STIL: variants seen among roughly 807,000 people sequenced by gnomAD.
The protein encoded by STIL is SCL-interrupting locus protein.
In STIL, 55 loss-of-function variants were observed where a neutral mutation model predicts 110.1. The observed-to-expected ratio is 0.50, with a 90% CI of 0.40 to 0.63. The LOEUF (loss-of-function observed/expected upper bound fraction) is 0.63. Ranked by LOEUF, STIL falls within the 20% of genes least tolerant of loss-of-function variation. The probability of loss-of-function intolerance (pLI) is 0.00; values close to 1 mark genes in which losing one functional copy is unlikely to be tolerated. For missense variants in STIL, 1,358 were observed against 1,530.0 expected, an observed-to-expected ratio of 0.89 and a Z score of 1.87; for synonymous variants, 481 against 530.0, an observed-to-expected ratio of 0.91 and a Z score of 1.27.
chr1:47,287,727 T>A, intron 9 of STIL, 67 bp from the exon 10 acceptor site: 1 of 1,274,880 alleles, frequency 7.8e-7, no homozygotes, highest in Non-Finnish European at 1.1e-6. Context: ...TCTATTTAGA[T>A]GAAAAGTAGC....
rs1645126643 is a variant in STIL at position 47,280,504 on chromosome 1, A to C, written c.1954T>G (p.Tyr652Asp). 6.2e-7 allele frequency: 1 copy of C among 1,614,262 alleles called. No individual in the cohort carries two copies. Among genetic ancestry groups the C allele is most frequent in the Non-Finnish European group, 8.5e-7 (1 of 1,180,046 alleles). ...CTTGAAGAACAGAATGCATTACAGT[A>C]CAGGGCTGGACATCCACTTGGGTGA... ...LFHPSGCPALYCNAFCSSSSP... is the reference protein window; with the variant it reads ...LFHPSGCPALDCNAFCSSSSP... The change falls in exon 12 of 17, where the codon TAC (tyrosine) becomes GAC (aspartate). Residue 652 changes from tyrosine to aspartate, a missense_variant. Tyr to Asp is a radical substitution (Grantham distance 160, BLOSUM62 -3). Coordinates refer to ENST00000371877, the MANE Select transcript of STIL (RefSeq NM_001048166.1).
intron 16 of STIL, among the ~76,000 whole-genome samples, chr1:47,256,183 C>A (rs901502805): frequency 6.6e-6 from 1 of 152,110 alleles, no homozygotes; most frequent in Admixed American, 6.6e-5. Context: ...ATTATAAATA[C>A]TGACAGTAAA....
chr1:47,293,423 C>T lies in STIL; in HGVS notation c.872+35G>A, dbSNP rs770281466. ...ATAAACTATGAATGGGGGAAAGGAT[C>T]GAAATAAAGTACTACAGAATAAAAT... On this transcript the variant is annotated intron_variant, in intron 8 of 16. Transcript: ENST00000371877. The T allele has an allele frequency of 1.2e-5, 19 of 1,543,240 alleles. No individual in the cohort carries two copies. In the East Asian group the frequency reaches 2.9e-4, roughly 24 times the overall value.
intron 7 of STIL, 55 bp from the exon 8 acceptor site, chr1:47,293,599 T>C: frequency 1.4e-6 from 2 of 1,380,402 alleles, no homozygotes; most frequent in Non-Finnish European, 2.1e-6. Flanking sequence ...TATAGCATAA[T>C]TTACATTCTT....
intron 2 of STIL, among the ~76,000 whole-genome samples, chr1:47,308,324 A>T (rs1646024213): frequency 6.6e-6 from 1 of 152,050 alleles, no homozygotes; most frequent in South Asian, 2.1e-4. Flanking sequence ...TTCTCAAGGC[A>T]GCGGACGCTT....
chr1:47,289,330 A>C (rs1645407263), intron 9 of STIL, 105 bp downstream of exon 9: 1 of 767,018 alleles, frequency 1.3e-6, no homozygotes, highest in African/African-American at 1.8e-5. Flanking sequence ...AACAAAGCAT[A>C]ATAGTTTGGA....
At chr1:47,285,841 G>A (rs1383315663) in intron 10 of STIL, among the ~76,000 whole-genome samples, 1 of 151,944 alleles carries the variant, frequency 6.6e-6, no homozygotes, top group Non-Finnish European at 1.5e-5. Flanking sequence ...TTCTTCAAGT[G>A]TGTTTTAGAA....
At chr1:47,265,258 A>AAAAAAAC (rs1557714172) in intron 14 of STIL, among the ~76,000 whole-genome samples, 2 of 150,756 alleles carry the variant, frequency 1.3e-5, no homozygotes, top group Admixed American at 6.6e-5. Flanking sequence ...AAAAAAAAAA[A>AAAAAAAC]AACACAAGAT....
intron 16 of STIL, 148 bp from the exon 17 acceptor site, chr1:47,252,070 A>C: frequency 1.2e-6 from 1 of 842,176 alleles, no homozygotes; most frequent in Non-Finnish European, 1.8e-6. Context: ...CTAAGTCTTG[A>C]TGATCCAGAT....
Position 47,262,944 on chromosome 1 carries a change from G to A in STIL, c.2788C>T (p.His930Tyr). Residue 930 changes from histidine to tyrosine, a missense_variant, in exon 15 of 17, where the codon CAT becomes TAT. Physicochemically the swap from His to Tyr is moderately conservative, Grantham distance 83. Coordinates refer to ENST00000371877, the MANE Select transcript of STIL (RefSeq NM_001048166.1). ...KIEHVMQPLL[H>Y]QPSDNQKIYQ... is the part of the protein sequence containing the mutation. ...ATTTTCTGGTTATCTGATGGTTGAT[G>A]AAGCAAGGGTTGCATTACATGCTCA... is the stretch of plus-strand genomic sequence containing the variant. 6.2e-7 allele frequency: 1 copy of A among 1,614,138 alleles called. No individual in the cohort carries two copies. Among genetic ancestry groups the A allele is most frequent in the Non-Finnish European group, 8.5e-7 (1 of 1,180,024 alleles).
At chr1:47,282,978 C>G (rs1645192918) in intron 10 of STIL, 1 of 153,072 alleles carries the variant, frequency 6.5e-6, no homozygotes, top group Middle Eastern at 3.2e-3. Context: ...AGATGGCATG[C>G]CCAGCAAAAC....
chr1:47,280,928 G>T lies in STIL; in HGVS notation c.1530C>A (p.Ala510=), dbSNP rs367760135. The T allele has an allele frequency of 6.2e-7, 1 of 1,614,124 alleles. No individual in the cohort carries two copies. Among genetic ancestry groups the T allele is most frequent in the African/African-American group, 1.3e-5 (1 of 75,022 alleles). ...LRHCKVRQPP[A]YKKGNPHTRN... is the part of the protein sequence containing the mutation. ...TGGTATGGGGGTTCCCTTTCTTATA[G>T]GCAGGTGGCTGTCTTACTTTGCAGT... Residue 510 remains alanine, a synonymous_variant, in exon 12 of 17, where the codon GCC becomes GCA. Transcript: ENST00000371877.
rs1416030407 is a variant in STIL, at chr1:47,301,546, G to C, written c.453+15C>G. The C allele has an allele frequency of 6.8e-6, 11 of 1,610,206 alleles. No homozygotes were observed. Among genetic ancestry groups the C allele is most frequent in the Non-Finnish European group, 8.5e-6 (10 of 1,177,512 alleles). On this transcript the variant is annotated intron_variant, in intron 5 of 16. Transcript: ENST00000371877. The stretch of plus-strand genomic sequence containing the variant: ...CTTGTGTTGAATTAACTATCAAGTT[G>C]TCAATGAATCGCACCTTTAAAGCTG...
At chr1:47,312,636 T>C (rs1443294049) in intron 1 of STIL, among the ~76,000 whole-genome samples, 2 of 152,220 alleles carry the variant, frequency 1.3e-5, no homozygotes, top group Non-Finnish European at 2.9e-5. Context: ...GCCAATTTTT[T>C]CTTCATTAAA....
intron 9 of STIL, among the ~76,000 whole-genome samples, chr1:47,288,360 G>A (rs186795999): frequency 6.6e-6 from 1 of 151,656 alleles, no homozygotes; most frequent in African/African-American, 2.4e-5. Context: ...GCAGCGGCAC[G>A]ATCTCAGTTC....
At chr1:47,304,215 C>T (rs1236391371) in intron 3 of STIL, among the ~76,000 whole-genome samples, 2 of 150,164 alleles carry the variant, frequency 1.3e-5, no homozygotes, top group Admixed American at 1.3e-4. Flanking sequence ...GACAAGGTCT[C>T]ACTTTGTTGC....
At chr1:47,283,002 G>A (rs1374039588) in intron 10 of STIL, 1 of 153,184 alleles carries the variant, frequency 6.5e-6, no homozygotes, top group Non-Finnish European at 1.5e-5. Context: ...AAATTTCTGA[G>A]TGCTGGTACC....
At chr1:47,289,079 A>C (rs912972532) in intron 9 of STIL, among the ~76,000 whole-genome samples, 2 of 132,532 alleles carry the variant, frequency 1.5e-5, no homozygotes, top group African/African-American at 2.9e-5. Flanking sequence ...AAAAAAAAAA[A>C]AAAAAAACAT....
chr1:47,270,670 CTTT>C (rs542462270), intron 13 of STIL, among the ~76,000 whole-genome samples: 5 of 94,076 alleles, frequency 5.3e-5, no homozygotes, highest in African/African-American at 1.8e-4. Context: ...GTTTCCCAAT[CTTT>C]TTTTTTTTTT....
Sources: gnomAD v4.1 joint callset for allele counts (sites outside exome capture counted in the v4.1 genomes callset) on GRCh38, gnomAD v4.1.1 for gene constraint, MANE v1.5 for transcripts, NCBI Gene and HGNC (gene_info 2026-07-23, HGNC 2026-07-21) for gene names.